Variants in GRIP1 observed in about 807,000 individuals in gnomAD.
GRIP1 encodes glutamate receptor-interacting protein 1.
In GRIP1, 45 loss-of-function variants were observed where a neutral mutation model predicts 129.9. The ratio of observed to expected loss-of-function variants is 0.35; its 90% CI spans 0.27 to 0.44. The LOEUF (loss-of-function observed/expected upper bound fraction) is 0.44. Among genes scored for constraint, GRIP1 ranks in the 20% least tolerant of loss-of-function variants. GRIP1 has a pLI of 1.00. For missense variants in GRIP1, 1,196 were observed against 1,396.8 expected (o/e 0.86, Z 2.29); for synonymous variants, 530 against 520.8 (o/e 1.02, Z -0.24).
intron 1 of GRIP1, among the ~76,000 whole-genome samples, chr12:66,861,120 AAC>A (rs1161890401): frequency 6.6e-6 from 1 of 152,142 alleles, no homozygotes; most frequent in Non-Finnish European, 1.5e-5. Context: ...AGGAAACATT[AAC>A]AGTTTTACTA....
At chr12:66,435,823 GA>G (rs2058287614) in intron 13 of GRIP1, among the ~76,000 whole-genome samples, 1 of 152,160 alleles carries the variant, frequency 6.6e-6, no homozygotes, top group Non-Finnish European at 1.5e-5. Context: ...CATGAGATTT[GA>G]AATATTCATA....
intron 2 of GRIP1, among the ~76,000 whole-genome samples, chr12:66,565,358 C>T (rs1459485864): frequency 6.6e-6 from 1 of 152,174 alleles, no homozygotes; most frequent in East Asian, 1.9e-4. Context: ...CCAGTTCTCC[C>T]AGCACCATTT....
chr12:66,968,461 C>T (rs2042027766), intron 1 of GRIP1, among the ~76,000 whole-genome samples: 1 of 151,872 alleles, frequency 6.6e-6, no homozygotes, highest in African/African-American at 2.4e-5. Flanking sequence ...CTTCTTTCTC[C>T]CGTTTTAATT....
At chr12:66,678,777 T>C in intron 1 of GRIP1, 73 bp downstream of exon 1, 1 of 1,409,640 alleles carries the variant, frequency 7.1e-7, no homozygotes, top group East Asian at 2.3e-5. Flanking sequence ...TATTTGAAAG[T>C]AAAAACCATT....
At chr12:66,439,423 A>T (rs2058408343) in intron 13 of GRIP1, among the ~76,000 whole-genome samples, 1 of 152,048 alleles carries the variant, frequency 6.6e-6, no homozygotes, top group Non-Finnish European at 1.5e-5. Context: ...CTTCCTGAAG[A>T]TCTCTAGTTC....
At chr12:66,762,093 A>G (rs2037493329) in intron 1 of GRIP1, among the ~76,000 whole-genome samples, 1 of 152,224 alleles carries the variant, frequency 6.6e-6, no homozygotes, top group South Asian at 2.1e-4. Context: ...CACATAATAA[A>G]TTAAAATAAT....
intron 1 of GRIP1, among the ~76,000 whole-genome samples, chr12:66,924,155 C>A (rs770383077): frequency 2.0e-5 from 3 of 152,034 alleles, no homozygotes; most frequent in Non-Finnish European, 2.9e-5. Flanking sequence ...AATTTTTTGG[C>A]ATATTTTAAC....
chr12:67,054,741 G>GT (rs943112290), intron 1 of GRIP1, among the ~76,000 whole-genome samples: 2 of 151,042 alleles, frequency 1.3e-5, no homozygotes, highest in African/African-American at 4.9e-5. Flanking sequence ...TCCAGACTGG[G>GT]TGACACAGCA....
intron 1 of GRIP1, among the ~76,000 whole-genome samples, chr12:66,859,299 ACAAAAAAAAAC>A (rs1243871131): frequency 6.9e-5 from 1 of 14,528 alleles, no homozygotes; most frequent in African/African-American, 1.1e-4. Context: ...AAACAAAAAA[ACAAAAAAAAAC>A]CAGTATTAGC....
intron 2 of GRIP1, among the ~76,000 whole-genome samples, chr12:66,593,954 G>T (rs1246114042): frequency 1.3e-5 from 2 of 151,752 alleles, no homozygotes; most frequent in Non-Finnish European, 1.5e-5. Flanking sequence ...TGTAGTCCCA[G>T]CTGCTGGGGA....
intron 1 of GRIP1, among the ~76,000 whole-genome samples, chr12:66,893,163 T>C (rs1016492082): frequency 1.3e-5 from 2 of 152,152 alleles, no homozygotes; most frequent in African/African-American, 4.8e-5. Flanking sequence ...CCATACAGTA[T>C]AAAACCTTTT....
intron 1 of GRIP1, among the ~76,000 whole-genome samples, chr12:67,017,022 T>C (rs1162813662): frequency 6.6e-6 from 1 of 152,200 alleles, no homozygotes; most frequent in Non-Finnish European, 1.5e-5. Context: ...TCTTCTCCGA[T>C]TCATAATTGA....
intron 11 of GRIP1, among the ~76,000 whole-genome samples, chr12:66,448,081 G>A (rs925989378): frequency 2.0e-5 from 3 of 151,984 alleles, no homozygotes; most frequent in Non-Finnish European, 4.4e-5. Context: ...TCTTCTGCAT[G>A]TATCTTCTCA....
At position 66,956,484 on chromosome 12, in the gene GRIP1, C is replaced by T. The variant is rs116147765; in HGVS notation, c.58+112566G>A. ...AGGTTTCTCCACTGTACGGTTCCTCCGTTTCTCTTTCTAGAAGAGTGAATC... is the reference window on the plus strand; with the variant it reads ...AGGTTTCTCCACTGTACGGTTCCTCTGTTTCTCTTTCTAGAAGAGTGAATC... On this transcript the variant is annotated intron_variant, in intron 1 of 1. Coordinates refer to the GRIP1 transcript ENST00000643019. Among the ~76,000 whole-genome samples the T allele has an allele frequency of 2.0e-3, 307 of 152,228 alleles. 2 individuals carry two copies. Among genetic ancestry groups the T allele is most frequent in the African/African-American group, 6.7e-3 (279 of 41,528 alleles).
At chr12:67,037,592 A>G (rs1265538105) in intron 1 of GRIP1, 1 of 152,192 alleles carries the variant, frequency 6.6e-6, no homozygotes, top group East Asian at 1.9e-4. Flanking sequence ...ATACTGAAGC[A>G]AAAGCAGACA....
At position 66,379,283 on chromosome 12, in the gene GRIP1, C is replaced by G. The variant is rs535048312; in HGVS notation, c.2618G>C (p.Ser873Thr). Residue 873 changes from serine to threonine, a missense_variant, in exon 20 of 25, where the codon AGT becomes ACT. Around this residue, in one of 5 missense-constraint regions of GRIP1, gnomAD observed 427 missense variants for 463.3 expected, o/e 0.92. Coordinates refer to ENST00000359742, the MANE Select transcript of GRIP1 (RefSeq NM_001366722.1). ...SYEDWDRSTA[S>T]GFAGAADSAE... ...CAGCATTGGTTGAAAACCTTACCCA[C>G]TGGCTGTGGACCGGTCCCAGTCTTC... 2 of 1,613,812 alleles carry G rather than the reference C, an allele frequency of 1.2e-6. No individual in the cohort carries two copies. The highest frequency in any genetic ancestry group is 1.3e-5 in the African/African-American group (1 of 75,054).
rs559121555 is a variant in GRIP1 at position 66,529,694 on chromosome 12, G to A, written c.502+137C>T. The A allele has an allele frequency of 4.8e-4, 325 of 682,550 alleles. 1 individual carries two copies. The highest frequency in any genetic ancestry group is 1.7e-3 in the African/African-American group (99 of 56,592). 42.3% of individuals were successfully genotyped at this position (682,550 alleles called of 1,614,324 possible). The stretch of plus-strand genomic sequence containing the variant: ...AAATTGGGTTCAGTGTATACTGCTC[G>A]GGTCGTGGGTGCACCAAAATCTCAC... On this transcript the variant is annotated intron_variant, in intron 5 of 24. Transcript: ENST00000359742.
chr12:66,476,048 A>G (rs2059598285), intron 7 of GRIP1, among the ~76,000 whole-genome samples: 1 of 152,198 alleles, frequency 6.6e-6, no homozygotes. Flanking sequence ...TAGAGACACA[A>G]AAAACCCTTC....
chr12:66,948,034 C>T (rs1270103720), intron 1 of GRIP1, among the ~76,000 whole-genome samples: 1 of 152,148 alleles, frequency 6.6e-6, no homozygotes, highest in African/African-American at 2.4e-5. Flanking sequence ...TTCATCTGCT[C>T]GGCATGTCAG....
Sources: allele counts gnomAD v4.1 joint callset (sites outside exome capture counted in the v4.1 genomes callset), GRCh38; gene constraint gnomAD v4.1.1; regional missense constraint gnomAD v4.1.1; transcripts MANE v1.5; gene names NCBI Gene and HGNC (gene_info 2026-07-23, HGNC 2026-07-21).